The following SPOCK3 variants were observed in gnomAD, a reference collection of about 807,000 sequenced individuals.
SPOCK3 encodes SPARC (osteonectin), cwcv and kazal like domains proteoglycan 3.
In SPOCK3, 30 loss-of-function variants were observed where a neutral mutation model predicts 56.6. That is an observed-to-expected ratio of 0.53 (90% confidence interval 0.40 to 0.72). The LOEUF is 0.72. Among genes scored for constraint, SPOCK3 ranks in the 30% least tolerant of loss-of-function variants. SPOCK3 has a pLI of 0.00. For synonymous variants in SPOCK3, 196 were observed against 183.3 expected, an observed-to-expected ratio of 1.07 and a Z score of -0.56; for missense variants, 527 against 530.0, an observed-to-expected ratio of 0.99 and a Z score of 0.06.
At chr4:166,968,047 C>T (rs1379209024) in intron 4 of SPOCK3, among the ~76,000 whole-genome samples, 1 of 152,142 alleles carries the variant, frequency 6.6e-6, no homozygotes, top group African/African-American at 2.4e-5. Flanking sequence ...ATCTGTGGAA[C>T]TTTGAATTTG....
At chr4:166,747,033 A>G (rs1735714142) in intron 8 of SPOCK3, among the ~76,000 whole-genome samples, 1 of 152,210 alleles carries the variant, frequency 6.6e-6, no homozygotes, top group Admixed American at 6.5e-5. Context: ...AGATGGATTC[A>G]CAGCCAAATT....
At chr4:167,233,071 G>A (rs1385732574) in intron 2 of SPOCK3, among the ~76,000 whole-genome samples, 1 of 152,170 alleles carries the variant, frequency 6.6e-6, no homozygotes, top group African/African-American at 2.4e-5. Flanking sequence ...TTTAAAGGGT[G>A]GGCTAGGGGC....
chr4:166,782,517 T>C (rs907457085), intron 7 of SPOCK3, among the ~76,000 whole-genome samples: 6 of 152,148 alleles, frequency 3.9e-5, no homozygotes, highest in Admixed American at 1.3e-4. Flanking sequence ...ACAGAATACA[T>C]GTTCCTTTTA....
At chr4:167,174,691 G>A (rs530495161) in intron 2 of SPOCK3, among the ~76,000 whole-genome samples, 3 of 152,138 alleles carry the variant, frequency 2.0e-5, no homozygotes, top group South Asian at 2.1e-4. Flanking sequence ...TAAAGCAAAC[G>A]AGAGGCCTTG....
chr4:166,811,062 GT>G (rs1480709971), intron 6 of SPOCK3, among the ~76,000 whole-genome samples: 2 of 151,448 alleles, frequency 1.3e-5, no homozygotes, highest in Non-Finnish European at 3.0e-5. Flanking sequence ...TTATATTTTT[GT>G]TTCTAATGAC....
intron 6 of SPOCK3, among the ~76,000 whole-genome samples, chr4:166,802,104 G>T (rs1436738182): frequency 6.6e-6 from 1 of 151,758 alleles, no homozygotes; most frequent in Non-Finnish European, 1.5e-5. Flanking sequence ...GACAATACAT[G>T]TACAAAACAC....
chr4:167,025,936 A>G (rs546233685), intron 3 of SPOCK3, among the ~76,000 whole-genome samples: 25 of 152,164 alleles, frequency 1.6e-4, no homozygotes, highest in African/African-American at 6.0e-4. Flanking sequence ...ACAAACCTGT[A>G]CAGCATGTTA....
rs572192504 is a variant in SPOCK3 at position 166,874,897 on chromosome 4, C to A, written c.589+14233G>T. ...AGTTAAGTAATTATGTCAATACCTT[C>A]TATTTATATAAATAGACTAGAATAT... is the stretch of plus-strand genomic sequence containing the variant. On this transcript the variant is annotated intron_variant, in intron 6 of 10. Coordinates refer to ENST00000357545, the MANE Select transcript of SPOCK3 (RefSeq NM_001040159.2). 5.1e-4 allele frequency among the ~76,000 whole-genome samples: 78 copies of A among 152,222 alleles called. 1 individual carries two copies. Among genetic ancestry groups the A allele is most frequent in the African/African-American group, 1.3e-3 (55 of 41,532 alleles).
chr4:166,799,903 C>T (rs993781103), intron 6 of SPOCK3, among the ~76,000 whole-genome samples: 3 of 151,980 alleles, frequency 2.0e-5, no homozygotes, highest in African/African-American at 7.2e-5. Context: ...TGAAAATGGC[C>T]GGGCACGGTG....
intron 4 of SPOCK3, among the ~76,000 whole-genome samples, chr4:166,971,020 C>A (rs906041745): frequency 1.3e-5 from 2 of 152,104 alleles, no homozygotes; most frequent in African/African-American, 2.4e-5. Context: ...TACCAGCATA[C>A]CTGGCTTTGA....
At position 166,933,585 on chromosome 4, in the gene SPOCK3, A is replaced by C. The variant is rs553781806; in HGVS notation, c.351-20842T>G. 2.6e-5 allele frequency among the ~76,000 whole-genome samples: 4 copies of C among 152,272 alleles called. No homozygotes were observed. The South Asian group carries it at 8.3e-4, about 32-fold the overall frequency. Reference sequence around the variant, plus strand: ...TAACATGTATTATTAATGTTAGGAGACAATTCATGTGAATCTTCCATGTCT... The same window carrying C: ...TAACATGTATTATTAATGTTAGGAGCCAATTCATGTGAATCTTCCATGTCT... On this transcript the variant is annotated intron_variant, in intron 4 of 10. Coordinates refer to ENST00000357545, the MANE Select transcript of SPOCK3 (RefSeq NM_001040159.2).
intron 3 of SPOCK3, among the ~76,000 whole-genome samples, chr4:167,019,464 T>A (rs1750965758): frequency 6.6e-6 from 1 of 151,642 alleles, no homozygotes; most frequent in Admixed American, 6.6e-5. Flanking sequence ...CATATATAAT[T>A]TATAGAGAAT....
chr4:167,199,127 C>T (rs1733251424), intron 2 of SPOCK3, among the ~76,000 whole-genome samples: 1 of 151,800 alleles, frequency 6.6e-6, no homozygotes, highest in African/African-American at 2.4e-5. Flanking sequence ...TGATTGATGC[C>T]TGAAATTTCT....
chr4:166,842,839 C>T (rs1463910912), intron 6 of SPOCK3, among the ~76,000 whole-genome samples: 1 of 152,246 alleles, frequency 6.6e-6, no homozygotes, highest in Non-Finnish European at 1.5e-5. Context: ...TGCCGGCCTG[C>T]ACTCCTCAGC....
intron 2 of SPOCK3, among the ~76,000 whole-genome samples, chr4:167,144,469 T>C (rs986909052): frequency 6.6e-6 from 1 of 151,916 alleles, no homozygotes; most frequent in African/African-American, 2.4e-5. Flanking sequence ...TTTGCTCAGT[T>C]TGCAAGTTTT....
chr4:167,225,654 G>A (rs1736521395), intron 2 of SPOCK3, among the ~76,000 whole-genome samples: 2 of 151,920 alleles, frequency 1.3e-5, no homozygotes, highest in South Asian at 4.2e-4. Context: ...GTATGAAGAT[G>A]GAAAAACTCA....
chr4:166,890,086 T>C (rs1372718204), intron 5 of SPOCK3, among the ~76,000 whole-genome samples: 2 of 151,964 alleles, frequency 1.3e-5, no homozygotes, highest in Admixed American at 1.3e-4. Context: ...TCACATATCT[T>C]ACGTTTCTAC....
chr4:166,833,952 G>A (rs1253211029), intron 6 of SPOCK3, among the ~76,000 whole-genome samples: 8 of 152,176 alleles, frequency 5.3e-5, no homozygotes, highest in African/African-American at 1.9e-4. Flanking sequence ...CTCATGTAGA[G>A]AGATTTTGCT....
At chr4:167,178,611 C>T (rs1731184387) in intron 2 of SPOCK3, among the ~76,000 whole-genome samples, 1 of 151,992 alleles carries the variant, frequency 6.6e-6, no homozygotes, top group East Asian at 1.9e-4. Context: ...TAACTTAATC[C>T]TATAGACATT....
Sources: allele counts gnomAD v4.1 joint callset (sites outside exome capture counted in the v4.1 genomes callset), GRCh38; gene constraint gnomAD v4.1.1; transcripts MANE v1.5; gene names NCBI Gene and HGNC (gene_info 2026-07-23, HGNC 2026-07-21).